RTN4RL1: variants seen among roughly 807,000 people sequenced by gnomAD.
The protein encoded by RTN4RL1 is reticulon 4 receptor like 1, also known as reticulon-4 receptor-like 1.
Under a neutral mutation model 25.6 loss-of-function variants are expected in RTN4RL1, and 7 were observed. The ratio of observed to expected loss-of-function variants is 0.27; its 90% CI spans 0.16 to 0.51. RTN4RL1 has a LOEUF of 0.51. RTN4RL1 is among the 20% of genes least tolerant of loss of function. The pLI, the probability that RTN4RL1 is intolerant of heterozygous loss-of-function variation, is 0.97. For missense variants in RTN4RL1, 500 were observed against 615.6 expected (o/e 0.81, Z 1.99); for synonymous variants, 297 against 288.2 (o/e 1.03, Z -0.31).
intron 1 of RTN4RL1, among the ~76,000 whole-genome samples, chr17:2,000,783 G>A (rs949819723): frequency 1.3e-5 from 2 of 152,076 alleles, no homozygotes; most frequent in Non-Finnish European, 2.9e-5. Context: ...GCCTCCCGAA[G>A]TACGGGGATT....
chr17:1,934,938 A>G lies in RTN4RL1; in HGVS notation c.*1558T>C, dbSNP rs943174410. The G allele has an allele frequency of 6.6e-6, 1 of 152,422 alleles. No homozygotes were observed. Among genetic ancestry groups the G allele is most frequent in the African/African-American group, 2.4e-5 (1 of 41,460 alleles). The allele number at this position is 152,422 out of a possible 1,614,324, so 9.4% of individuals were successfully genotyped here. On this transcript the variant is annotated 3_prime_UTR_variant, in exon 2 of 2. Coordinates refer to ENST00000331238, the MANE Select transcript of RTN4RL1 (RefSeq NM_178568.4). This position sits in a 1 kb window ranked among gnomAD's most constrained non-coding sequence, Gnocchi z 4.0. ...CCGAGCCTCTGCCTGCACCCTGAGC[A>G]TCCCCAGGACGGCTGGGAGGGCCAG...
At chr17:1,966,745 G>A (rs984919766) in intron 1 of RTN4RL1, among the ~76,000 whole-genome samples, 4 of 152,098 alleles carry the variant, frequency 2.6e-5, no homozygotes, top group Non-Finnish European at 5.9e-5. Flanking sequence ...CTCCAGAACC[G>A]GTTCTGTCAT....
rs2066941188 is a variant in RTN4RL1, at chr17:1,998,641, C to T, written c.13+26212G>A. On this transcript the variant is annotated intron_variant, in intron 1 of 1. Coordinates refer to ENST00000331238, the MANE Select transcript of RTN4RL1 (RefSeq NM_178568.4). This position sits in a 1 kb window ranked among gnomAD's most constrained non-coding sequence, Gnocchi z 4.9. Reference sequence around the variant, plus strand: ...GCCGGCTCGCCTCCTCCTGGGCTCGCCGGGATGTGGCCTCCGAGGTCGCCG... The same window carrying T: ...GCCGGCTCGCCTCCTCCTGGGCTCGTCGGGATGTGGCCTCCGAGGTCGCCG... Among the ~76,000 whole-genome samples, 1 of 152,026 alleles carries T rather than the reference C, an allele frequency of 6.6e-6. No individual in the cohort carries two copies. The highest frequency in any genetic ancestry group is 2.4e-5 in the African/African-American group (1 of 41,400).
chr17:1,970,462 C>T (rs527736120), intron 1 of RTN4RL1, among the ~76,000 whole-genome samples: 2 of 152,318 alleles, frequency 1.3e-5, no homozygotes, highest in East Asian at 3.9e-4. Flanking sequence ...ACTGGCACAG[C>T]CTTACTTTCA....
intron 1 of RTN4RL1, among the ~76,000 whole-genome samples, chr17:1,938,999 T>C (rs1915374676): frequency 6.6e-6 from 1 of 151,272 alleles, no homozygotes; most frequent in South Asian, 2.1e-4. Flanking sequence ...TGAGCTGAGA[T>C]TGCACTACCA....
chr17:1,998,656 C>T lies in RTN4RL1; in HGVS notation c.13+26197G>A, dbSNP rs991473500. Among the ~76,000 whole-genome samples, 96 of 151,812 alleles carry T rather than the reference C, an allele frequency of 6.3e-4. 2 individuals carry two copies. Among genetic ancestry groups the T allele is most frequent in the African/African-American group, 2.2e-3 (89 of 41,276 alleles). On this transcript the variant is annotated intron_variant, in intron 1 of 1. Coordinates refer to ENST00000331238, the MANE Select transcript of RTN4RL1 (RefSeq NM_178568.4). This position sits in a 1 kb window ranked among gnomAD's most constrained non-coding sequence, Gnocchi z 4.9. ...CCTGGGCTCGCCGGGATGTGGCCTCCGAGGTCGCCGCGGCGCTTTCCTGCC... is the reference window on the plus strand; with the variant it reads ...CCTGGGCTCGCCGGGATGTGGCCTCTGAGGTCGCCGCGGCGCTTTCCTGCC...
intron 1 of RTN4RL1, among the ~76,000 whole-genome samples, chr17:1,965,060 T>C (rs1320843835): frequency 6.6e-6 from 1 of 151,314 alleles, no homozygotes; most frequent in African/African-American, 2.4e-5. Flanking sequence ...GTGGTGGGAT[T>C]ACAGGCGTGA....
Position 1,936,445 on chromosome 17 carries a change from T to G in RTN4RL1, c.*51A>C. On this transcript the variant is annotated 3_prime_UTR_variant, in exon 2 of 2. Coordinates refer to ENST00000331238, the MANE Select transcript of RTN4RL1 (RefSeq NM_178568.4). ...TTGTTAAAAAAAGAAGAAAATAAAT[T>G]CTGTTCCTTGGTGGACATGTGGCAG... 1 of 1,486,812 alleles carries G rather than the reference T, an allele frequency of 6.7e-7. No homozygotes were observed. Among genetic ancestry groups the G allele is most frequent in the Non-Finnish European group, 8.9e-7 (1 of 1,127,830 alleles). 92.1% of individuals were successfully genotyped at this position (1,486,812 alleles called of 1,614,324 possible).
At chr17:1,970,943 C>T (rs1324157198) in intron 1 of RTN4RL1, among the ~76,000 whole-genome samples, 3 of 152,188 alleles carry the variant, frequency 2.0e-5, no homozygotes, top group Admixed American at 1.3e-4. Flanking sequence ...CACATAATCA[C>T]TCACACTTCT....
intron 1 of RTN4RL1, chr17:2,020,324 A>C (rs1204138124): frequency 6.6e-6 from 1 of 152,168 alleles, no homozygotes; most frequent in African/African-American, 2.4e-5. Context: ...CACTCTCGCC[A>C]CTGGGGTTAA....
At chr17:2,024,683 A>G (rs2067250150) in intron 1 of RTN4RL1, among the ~76,000 whole-genome samples, 170 bp downstream of exon 1, 1 of 151,958 alleles carries the variant, frequency 6.6e-6, no homozygotes, top group Non-Finnish European at 1.5e-5. Context: ...CTGGCCGCTG[A>G]CGGGAGCTGA....
At chr17:2,024,830 T>G in intron 1 of RTN4RL1, 23 bp downstream of exon 1, 2 of 1,567,746 alleles carry the variant, frequency 1.3e-6, no homozygotes, top group Non-Finnish European at 1.7e-6. Context: ...CAACTTCAAC[T>G]TGCCCCTGCG....
intron 1 of RTN4RL1, among the ~76,000 whole-genome samples, chr17:1,983,590 C>T (rs990839592): frequency 1.1e-4 from 16 of 151,938 alleles, no homozygotes; most frequent in Admixed American, 3.3e-4. Flanking sequence ...TCTGTAGAGA[C>T]GGGGTCTTAC....
At chr17:1,964,161 G>A (rs1241306032) in intron 1 of RTN4RL1, among the ~76,000 whole-genome samples, 2 of 152,196 alleles carry the variant, frequency 1.3e-5, no homozygotes, top group Non-Finnish European at 2.9e-5. Context: ...CGCACACGTG[G>A]CTTCCAAAAA....
Position 2,024,989 on chromosome 17 carries a change from TCCGCTCGTGCCCGGTGGCCCGGCC to T in RTN4RL1, c.-148_-125del, listed in dbSNP as rs1305060714. On this transcript the variant is annotated 5_prime_UTR_variant, in exon 1 of 2. Coordinates refer to ENST00000331238, the MANE Select transcript of RTN4RL1 (RefSeq NM_178568.4). ...CGTCGAGGCGGGGGCAAGCCGGGGA[TCCGCTCGTGCCCGGTGGCCCGGCC>T]CCGCAGGGGCATGGTGAGCTCCAGC... 1 of 1,080,004 alleles carries T rather than the reference TCCGCTCGTGCCCGGTGGCCCGGCC, an allele frequency of 9.3e-7. No individual in the cohort carries two copies. The highest frequency in any genetic ancestry group is 1.6e-5 in the African/African-American group (1 of 60,656). 66.9% of individuals were successfully genotyped at this position (1,080,004 alleles called of 1,614,324 possible).
In RTN4RL1 at chr17:1,998,450, G is replaced by T. The variant is rs529938716; in HGVS notation, c.13+26403C>A. Among the ~76,000 whole-genome samples, 2 of 151,974 alleles carry T rather than the reference G, an allele frequency of 1.3e-5. No homozygotes were observed. Among genetic ancestry groups the T allele is most frequent in the Admixed American group, 6.6e-5 (1 of 15,254 alleles). On this transcript the variant is annotated intron_variant, in intron 1 of 1. Coordinates refer to ENST00000331238, the MANE Select transcript of RTN4RL1 (RefSeq NM_178568.4). This position sits in a 1 kb window ranked among gnomAD's most constrained non-coding sequence, Gnocchi z 4.9. ...CCTCTCGCGGGAGCCGCCGGCCGGGGATCTGCGCACCCCACGCGCCCCGCT... is the reference window on the plus strand; with the variant it reads ...CCTCTCGCGGGAGCCGCCGGCCGGGTATCTGCGCACCCCACGCGCCCCGCT...
chr17:1,949,339 C>T (rs1252175860), intron 1 of RTN4RL1, among the ~76,000 whole-genome samples: 2 of 150,282 alleles, frequency 1.3e-5, no homozygotes, highest in Admixed American at 6.6e-5. Flanking sequence ...TCAGGTAATC[C>T]GCCCGCCTCA....
chr17:1,935,573 C>T lies in RTN4RL1; in HGVS notation c.*923G>A. 1 of 985,272 alleles carries T rather than the reference C, an allele frequency of 1.0e-6. No individual in the cohort carries two copies. Among genetic ancestry groups the T allele is most frequent in the Non-Finnish European group, 1.2e-6 (1 of 829,812 alleles). 61.0% of individuals were successfully genotyped at this position (985,272 alleles called of 1,614,324 possible). A position where few individuals can be genotyped will look rare whatever the true frequency, so the allele number is the denominator to read the frequency against. The stretch of plus-strand genomic sequence containing the variant: ...ATCGTTGCCAGTTTGGGATTCTAGA[C>T]AAAAATTCTATCACTTTGTTTTTGC... On this transcript the variant is annotated 3_prime_UTR_variant, in exon 2 of 2. Transcript: ENST00000331238.
At chr17:1,982,026 A>G (rs1196059680) in intron 1 of RTN4RL1, among the ~76,000 whole-genome samples, 6 of 152,270 alleles carry the variant, frequency 3.9e-5, no homozygotes, top group African/African-American at 1.2e-4. Flanking sequence ...ACTGGCCGGC[A>G]CGGTGGCTCA....
Sources: gnomAD v4.1 joint callset for allele counts (sites outside exome capture counted in the v4.1 genomes callset) on GRCh38, gnomAD v4.1.1 for gene constraint, Gnocchi (gnomAD v3.1) non-coding constraint, MANE v1.5 for transcripts, NCBI Gene and HGNC (gene_info 2026-07-23, HGNC 2026-07-21) for gene names.